MYO1D: variants seen among roughly 807,000 people sequenced by gnomAD.
MYO1D encodes myosin ID.
MYO1D carries 83 observed loss-of-function variants against 122.0 expected under a neutral mutation model. The observed-to-expected ratio is 0.68, with a 90% CI of 0.57 to 0.82. The LOEUF (loss-of-function observed/expected upper bound fraction) is 0.82. MYO1D is among the 40% of genes least tolerant of loss of function. The probability of loss-of-function intolerance (pLI) is 0.00; values close to 1 mark genes in which losing one functional copy is unlikely to be tolerated. For synonymous variants in MYO1D, 464 were observed against 446.9 expected (o/e 1.04, Z -0.48); for missense variants, 1,157 against 1,269.5 (o/e 0.91, Z 1.35).
chr17:32,553,911 A>G (rs2087045256), intron 21 of MYO1D, among the ~76,000 whole-genome samples: 1 of 152,132 alleles, frequency 6.6e-6, no homozygotes, highest in African/African-American at 2.4e-5. Context: ...TTCCACCTGA[A>G]CTGAACTATA....
chr17:32,682,512 G>T (rs1364683933), intron 16 of MYO1D, among the ~76,000 whole-genome samples: 2 of 151,212 alleles, frequency 1.3e-5, no homozygotes, highest in East Asian at 3.9e-4. Context: ...CACTTATGAA[G>T]CTTAGTTTGG....
intron 1 of MYO1D, among the ~76,000 whole-genome samples, chr17:32,811,433 C>T (rs2090570960): frequency 6.6e-6 from 1 of 152,148 alleles, no homozygotes; most frequent in Non-Finnish European, 1.5e-5. Flanking sequence ...CCCGCTACTC[C>T]AGCCCCAATC....
chr17:32,763,223 C>T (rs967620206), intron 8 of MYO1D, among the ~76,000 whole-genome samples: 1 of 151,820 alleles, frequency 6.6e-6, no homozygotes. Context: ...CATTGCCCCT[C>T]CTTAAAGTCC....
chr17:32,631,572 A>G (rs1477979625), intron 20 of MYO1D, among the ~76,000 whole-genome samples: 1 of 152,082 alleles, frequency 6.6e-6, no homozygotes, highest in Non-Finnish European at 1.5e-5. Flanking sequence ...GCTTGATCCC[A>G]GGAGTTTAAG....
chr17:32,608,478 A>T (rs2087657503), intron 20 of MYO1D, among the ~76,000 whole-genome samples: 1 of 152,216 alleles, frequency 6.6e-6, no homozygotes, highest in African/African-American at 2.4e-5. Context: ...CTACAACAAC[A>T]AAAGAGTGAT....
chr17:32,680,736 T>G lies in MYO1D; in HGVS notation c.2122-21398A>C, dbSNP rs564808718. Among the ~76,000 whole-genome samples the G allele has an allele frequency of 2.0e-5, 3 of 150,916 alleles. No homozygotes were observed. In the East Asian group the frequency reaches 5.9e-4, roughly 30 times the overall value. ...TCTAAAATTCTCTTTTTTGGTTGTG[T>G]CTCTGGTATCAGAATGATACTGGCC... On this transcript the variant is annotated intron_variant, in intron 16 of 21. Transcript: ENST00000318217.
intron 4 of MYO1D, among the ~76,000 whole-genome samples, chr17:32,775,057 T>G (rs538282847): frequency 6.6e-6 from 1 of 152,186 alleles, no homozygotes; most frequent in Admixed American, 6.5e-5. Flanking sequence ...TCCCAGCACT[T>G]TGGGAGACTG....
intron 1 of MYO1D, among the ~76,000 whole-genome samples, chr17:32,820,308 TCTTCA>T (rs2090649279): frequency 1.3e-5 from 2 of 152,200 alleles, no homozygotes; most frequent in Admixed American, 6.5e-5. Flanking sequence ...TGAAGACAGA[TCTTCA>T]CCCCATGTTC....
chr17:32,607,242 T>C (rs75612008), intron 20 of MYO1D, among the ~76,000 whole-genome samples: 18,551 of 151,562 alleles, frequency 0.12, 1,494 homozygotes, highest in Middle Eastern at 0.23. Context: ...ATTGCCTACA[T>C]AGAAAATGCC....
intron 1 of MYO1D, among the ~76,000 whole-genome samples, chr17:32,810,538 C>G (rs1044847309): frequency 4.0e-5 from 6 of 150,180 alleles, no homozygotes; most frequent in Non-Finnish European, 7.4e-5. Flanking sequence ...AGTGCAATGG[C>G]GTGATCCTGG....
chr17:32,691,271 A>G (rs1303939962), intron 16 of MYO1D, among the ~76,000 whole-genome samples: 1 of 151,958 alleles, frequency 6.6e-6, no homozygotes, highest in Non-Finnish European at 1.5e-5. Flanking sequence ...AAAAAAAAAA[A>G]AAAAGAACTT....
intron 16 of MYO1D, among the ~76,000 whole-genome samples, chr17:32,684,508 T>C (rs533509730): frequency 3.9e-5 from 6 of 152,332 alleles, no homozygotes; most frequent in African/African-American, 1.4e-4. Flanking sequence ...CTGGCTTGAA[T>C]AGACTAAATA....
intron 1 of MYO1D, among the ~76,000 whole-genome samples, chr17:32,821,010 T>C (rs1293247671): frequency 6.6e-6 from 1 of 152,188 alleles, no homozygotes; most frequent in Non-Finnish European, 1.5e-5. Context: ...TTATTTTTCC[T>C]GATCCTCTCC....
intron 16 of MYO1D, among the ~76,000 whole-genome samples, chr17:32,707,584 C>G (rs1268578104): frequency 6.6e-6 from 1 of 152,182 alleles, no homozygotes; most frequent in Non-Finnish European, 1.5e-5. Flanking sequence ...AAAGAGTTTA[C>G]ATAGCAGGCC....
intron 1 of MYO1D, among the ~76,000 whole-genome samples, chr17:32,860,463 T>C (rs1026881671): frequency 5.3e-5 from 8 of 152,154 alleles, no homozygotes; most frequent in Admixed American, 4.6e-4. Context: ...TGGTGACACA[T>C]AACATAGACT....
chr17:32,586,233 C>T (rs530700280), intron 21 of MYO1D, among the ~76,000 whole-genome samples: 2 of 152,160 alleles, frequency 1.3e-5, no homozygotes, highest in Non-Finnish European at 2.9e-5. Context: ...GTCCCTCATC[C>T]TCTTAAAATT....
chr17:32,867,218 C>T (rs1005391803), intron 1 of MYO1D, among the ~76,000 whole-genome samples: 1 of 150,194 alleles, frequency 6.7e-6, no homozygotes, highest in Non-Finnish European at 1.5e-5. Flanking sequence ...CCCAGCTACT[C>T]GGGAGGCTGA....
chr17:32,849,892 T>C (rs2090971576), intron 1 of MYO1D, among the ~76,000 whole-genome samples: 1 of 152,214 alleles, frequency 6.6e-6, no homozygotes, highest in African/African-American at 2.4e-5. Context: ...GTGTCCCTTC[T>C]ACAGTTTAAA....
intron 16 of MYO1D, among the ~76,000 whole-genome samples, chr17:32,699,523 A>G (rs1041541502): frequency 2.6e-5 from 4 of 152,180 alleles, no homozygotes; most frequent in African/African-American, 9.7e-5. Flanking sequence ...CTGTGAAAAG[A>G]TAGTTTCCAG....
Sources: allele counts gnomAD v4.1 joint callset (sites outside exome capture counted in the v4.1 genomes callset), GRCh38; gene constraint gnomAD v4.1.1; transcripts MANE v1.5; gene names NCBI Gene and HGNC (gene_info 2026-07-23, HGNC 2026-07-21).